Variants in ZMAT4 observed in about 807,000 individuals in gnomAD.
ZMAT4 encodes the protein zinc finger matrin-type protein 4.
A neutral mutation model predicts 28.7 loss-of-function variants in ZMAT4; 17 were observed. That is an observed-to-expected ratio of 0.59 (90% CI 0.41 to 0.89). ZMAT4 has a LOEUF of 0.89. Among genes scored for constraint, ZMAT4 ranks in the 40% least tolerant of loss-of-function variants. ZMAT4 has a pLI of 0.00. For missense variants in ZMAT4, 240 were observed against 283.8 expected, an observed-to-expected ratio of 0.85 and a Z score of 1.11; for synonymous variants, 117 against 109.2, an observed-to-expected ratio of 1.07 and a Z score of -0.44.
chr8:40,575,811 T>TA (rs1299594791), intron 6 of ZMAT4, among the ~76,000 whole-genome samples: 2 of 151,110 alleles, frequency 1.3e-5, no homozygotes, highest in Non-Finnish European at 2.9e-5. Context: ...AATAAAGGCA[T>TA]AAAAAAGGAA....
At chr8:40,677,392 C>G (rs1021350460) in intron 4 of ZMAT4, among the ~76,000 whole-genome samples, 3 of 151,772 alleles carry the variant, frequency 2.0e-5, no homozygotes, top group Non-Finnish European at 4.4e-5. Flanking sequence ...AAGGCAGTAG[C>G]ATAAAAACAG....
At chr8:40,545,668 A>G (rs946279829) in intron 6 of ZMAT4, among the ~76,000 whole-genome samples, 3 of 152,190 alleles carry the variant, frequency 2.0e-5, no homozygotes, top group African/African-American at 7.2e-5. Context: ...ACCAGAAGTC[A>G]GGAGAAAGGC....
chr8:40,766,538 G>T (rs1813167288), intron 3 of ZMAT4, among the ~76,000 whole-genome samples: 1 of 152,200 alleles, frequency 6.6e-6, no homozygotes, highest in African/African-American at 2.4e-5. Context: ...GCTCTTAGCA[G>T]CTTGCAAAGT....
At chr8:40,758,405 T>G (rs1244773962) in intron 3 of ZMAT4, among the ~76,000 whole-genome samples, 1 of 152,208 alleles carries the variant, frequency 6.6e-6, no homozygotes, top group Admixed American at 6.5e-5. Context: ...ACCATGACTC[T>G]TTTCAAATGT....
intron 1 of ZMAT4, among the ~76,000 whole-genome samples, chr8:40,843,581 C>G (rs1176559839): frequency 2.0e-5 from 3 of 152,166 alleles, no homozygotes; most frequent in Admixed American, 1.3e-4. Flanking sequence ...AGCAGCAAGC[C>G]CTAATATTTT....
At chr8:40,662,035 G>A (rs1407301209) in intron 5 of ZMAT4, among the ~76,000 whole-genome samples, 3 of 152,166 alleles carry the variant, frequency 2.0e-5, no homozygotes, top group African/African-American at 7.2e-5. Context: ...GGAGTGCAGT[G>A]GTGCAGTCAT....
intron 2 of ZMAT4, among the ~76,000 whole-genome samples, chr8:40,786,447 A>ATTCATTCATT (rs1814087633): frequency 6.6e-6 from 1 of 151,454 alleles, no homozygotes; most frequent in Non-Finnish European, 1.5e-5. Flanking sequence ...GAAGTACATG[A>ATTCATTCATT]CATTCATTCA....
At chr8:40,754,928 T>G (rs1236035686) in intron 3 of ZMAT4, among the ~76,000 whole-genome samples, 1 of 152,074 alleles carries the variant, frequency 6.6e-6, no homozygotes, top group Non-Finnish European at 1.5e-5. Context: ...GAGACTCAGG[T>G]GGGAGGATCA....
At chr8:40,869,164 A>G (rs528376520) in intron 1 of ZMAT4, among the ~76,000 whole-genome samples, 4 of 152,314 alleles carry the variant, frequency 2.6e-5, no homozygotes, top group East Asian at 1.9e-4. Flanking sequence ...CACCCTTTAG[A>G]CATATAAATA....
chr8:40,864,247 CT>C (rs1817601114), intron 1 of ZMAT4, among the ~76,000 whole-genome samples: 1 of 152,242 alleles, frequency 6.6e-6, no homozygotes, highest in Admixed American at 6.5e-5. Flanking sequence ...ATGACCTCGC[CT>C]GGGATTCCTC....
At chr8:40,586,137 T>C (rs1056529806) in intron 5 of ZMAT4, among the ~76,000 whole-genome samples, 6 of 152,066 alleles carry the variant, frequency 3.9e-5, no homozygotes, top group Admixed American at 2.0e-4. Context: ...GGCAGAGGAG[T>C]CCTCCCCCAC....
chr8:40,553,608 T>C (rs1803433897), intron 6 of ZMAT4, among the ~76,000 whole-genome samples: 1 of 152,188 alleles, frequency 6.6e-6, no homozygotes, highest in Non-Finnish European at 1.5e-5. Flanking sequence ...TCATGCCTGA[T>C]ATCATTTCAT....
At chr8:40,591,185 G>T (rs142054667) in intron 5 of ZMAT4, among the ~76,000 whole-genome samples, 7 of 152,170 alleles carry the variant, frequency 4.6e-5, no homozygotes, top group African/African-American at 1.7e-4. Flanking sequence ...CTTAGGTGGC[G>T]TCTAAAACCG....
intron 3 of ZMAT4, among the ~76,000 whole-genome samples, chr8:40,730,607 A>G (rs1422752448): frequency 1.3e-5 from 2 of 152,122 alleles, no homozygotes; most frequent in South Asian, 2.1e-4. Context: ...TGTTGCCCCA[A>G]AGGATTCAGA....
chr8:40,763,808 T>A (rs1813032695), intron 3 of ZMAT4, among the ~76,000 whole-genome samples: 1 of 152,132 alleles, frequency 6.6e-6, no homozygotes, highest in African/African-American at 2.4e-5. Context: ...ATATTTCAGA[T>A]CTGAAGGAAA....
At chr8:40,644,593 A>C (rs940121506) in intron 5 of ZMAT4, among the ~76,000 whole-genome samples, 1 of 152,222 alleles carries the variant, frequency 6.6e-6, no homozygotes, top group African/African-American at 2.4e-5. Context: ...AACAAAGAGG[A>C]TAGATAAACC....
At chr8:40,599,428 CG>C (rs1305902378) in intron 5 of ZMAT4, among the ~76,000 whole-genome samples, 1 of 151,936 alleles carries the variant, frequency 6.6e-6, no homozygotes, top group Non-Finnish European at 1.5e-5. Flanking sequence ...TAGACATAAA[CG>C]TTTTTCCATA....
intron 2 of ZMAT4, among the ~76,000 whole-genome samples, chr8:40,801,347 A>ATAT (rs1174640469): frequency 1.2e-4 from 6 of 48,568 alleles, no homozygotes; most frequent in African/African-American, 5.6e-4. Flanking sequence ...TCTTTAAAAA[A>ATAT]AAAAATATAT....
At chr8:40,618,191 T>G (rs1345305753) in intron 5 of ZMAT4, among the ~76,000 whole-genome samples, 1 of 152,212 alleles carries the variant, frequency 6.6e-6, no homozygotes, top group Non-Finnish European at 1.5e-5. Context: ...AGACTCAATA[T>G]TTAGAGGAAC....
Sources: allele counts gnomAD v4.1 joint callset (sites outside exome capture counted in the v4.1 genomes callset), GRCh38; gene constraint gnomAD v4.1.1; transcripts MANE v1.5; gene names NCBI Gene and HGNC (gene_info 2026-07-23, HGNC 2026-07-21).